The following PDE2A variants were observed in gnomAD, a reference collection of about 807,000 sequenced individuals.
PDE2A encodes cGMP-dependent 3',5'-cyclic phosphodiesterase.
A neutral mutation model predicts 133.6 loss-of-function variants in PDE2A; 53 were observed. That is an observed-to-expected ratio of 0.40 (90% confidence interval 0.32 to 0.50). The LOEUF is 0.50. Ranked by LOEUF, PDE2A falls within the 20% of genes least tolerant of loss-of-function variation. The probability of loss-of-function intolerance (pLI) is 0.73; values close to 1 mark genes in which losing one functional copy is unlikely to be tolerated. For missense variants in PDE2A, 796 were observed against 1,232.4 expected (o/e 0.65, Z 5.30); for synonymous variants, 491 against 490.2 (o/e 1.00, Z -0.02).
intron 3 of PDE2A, among the ~76,000 whole-genome samples, chr11:72,606,273 A>T (rs539486557): frequency 6.6e-6 from 1 of 151,952 alleles, no homozygotes; most frequent in African/African-American, 2.4e-5. Context: ...CCGCAGGAGG[A>T]TGGAGAAGGG....
chr11:72,659,965 G>A (rs1441849824), intron 1 of PDE2A, among the ~76,000 whole-genome samples: 1 of 152,154 alleles, frequency 6.6e-6, no homozygotes, highest in Non-Finnish European at 1.5e-5. Flanking sequence ...GAGAGGGTCA[G>A]CAGTTCCCTG....
At chr11:72,648,486 C>T (rs1859188967) in intron 1 of PDE2A, among the ~76,000 whole-genome samples, 1 of 152,150 alleles carries the variant, frequency 6.6e-6, no homozygotes, top group Non-Finnish European at 1.5e-5. Flanking sequence ...AGGAAGGGTA[C>T]AGGCTGAGTG....
At chr11:72,585,989 G>T in intron 14 of PDE2A, 81 bp downstream of exon 14, 1 of 825,236 alleles carries the variant, frequency 1.2e-6, no homozygotes, top group Non-Finnish European at 2.1e-6. Context: ...GAAAGACATG[G>T]GCATTTCCCT....
intron 14 of PDE2A, 96 bp downstream of exon 14, chr11:72,585,974 G>C: frequency 1.3e-6 from 1 of 775,320 alleles, no homozygotes; most frequent in Non-Finnish European, 2.2e-6. Context: ...GCTGCCACCA[G>C]TCCAGAAAGA....
At chr11:72,665,968 G>A (rs913083135) in intron 1 of PDE2A, among the ~76,000 whole-genome samples, 1 of 151,656 alleles carries the variant, frequency 6.6e-6, no homozygotes, top group Non-Finnish European at 1.5e-5. Flanking sequence ...GAGGCTTCCA[G>A]AGGAAGCCCC....
At chr11:72,668,403 C>G (rs1159861381) in intron 1 of PDE2A, 2 of 718,406 alleles carry the variant, frequency 2.8e-6, no homozygotes, top group Non-Finnish European at 2.6e-6. Flanking sequence ...GGTGTGGAAA[C>G]AGTGCTCAGG....
At chr11:72,663,751 A>G (rs561009123) in intron 1 of PDE2A, among the ~76,000 whole-genome samples, 14 of 152,098 alleles carry the variant, frequency 9.2e-5, no homozygotes, top group East Asian at 1.9e-4. Flanking sequence ...AAGAAAGAAA[A>G]AAAAGAAAAC....
At chr11:72,579,663 T>C (rs1048822035) in intron 25 of PDE2A, 55 bp from the exon 26 acceptor site, 3 of 1,273,354 alleles carry the variant, frequency 2.4e-6, no homozygotes, top group Admixed American at 1.7e-5. Flanking sequence ...TCCCTTACCA[T>C]TGACCCCAAG....
chr11:72,590,421 C>A lies in PDE2A; in HGVS notation c.703+6G>T, dbSNP rs368304427. On this transcript the variant is annotated splice_donor_region_variant and intron_variant, in intron 8 of 30. Transcript: ENST00000334456. This position sits in a 1 kb window ranked among gnomAD's most constrained non-coding sequence, Gnocchi z 4.8. The stretch of plus-strand genomic sequence containing the variant: ...CCCTCGTGACCTGTCCAGGCCGGGC[C>A]CTCACCGCACAGTTGGAGGATCTTG... The A allele has an allele frequency of 1.3e-6, 2 of 1,571,182 alleles. No homozygotes were observed. Among genetic ancestry groups the A allele is most frequent in the African/African-American group, 1.4e-5 (1 of 73,568 alleles).
At chr11:72,662,578 A>T (rs1167368506) in intron 1 of PDE2A, among the ~76,000 whole-genome samples, 1 of 152,166 alleles carries the variant, frequency 6.6e-6, no homozygotes, top group African/African-American at 2.4e-5. Flanking sequence ...TGAGTGCTCC[A>T]GAGAGTGAAA....
intron 1 of PDE2A, among the ~76,000 whole-genome samples, chr11:72,649,739 C>T: frequency 6.6e-6 from 1 of 152,204 alleles, no homozygotes; most frequent in African/African-American, 2.4e-5. Context: ...CCGGCTCCTT[C>T]CCATGTGGGA....
intron 1 of PDE2A, among the ~76,000 whole-genome samples, chr11:72,669,846 T>C (rs1256912995): frequency 6.6e-6 from 1 of 152,248 alleles, no homozygotes; most frequent in African/African-American, 2.4e-5. Context: ...TTTTGTTCAC[T>C]GAACACCCCT....
chr11:72,674,351 C>T lies in PDE2A; in HGVS notation c.-144G>A. The T allele has an allele frequency of 1.4e-6, 1 of 703,666 alleles. No homozygotes were observed. The highest frequency in any genetic ancestry group is 2.3e-6 in the Non-Finnish European group (1 of 427,612). The allele number at this position is 703,666 out of a possible 1,614,324, so 43.6% of individuals were successfully genotyped here. The stretch of plus-strand genomic sequence containing the variant: ...CCCCTACTCAGCCTGGACTCAACAC[C>T]CCAATCCAGCTCTGCTGCCCCGCTG... On this transcript the variant is annotated 5_prime_UTR_variant, in exon 1 of 31. Transcript: ENST00000334456.
Position 72,578,942 on chromosome 11 carries a change from G to A in PDE2A, c.2424C>T (p.Asp808=). ...TCCAGCCCTTGGTCTGGTCAGAGAGGTCACAGGAGGTCATGAGGAGGCAGA... is the reference window on the plus strand; with the variant it reads ...TCCAGCCCTTGGTCTGGTCAGAGAGATCACAGGAGGTCATGAGGAGGCAGA... ...LLLCLLMTSC[D]LSDQTKGWKT... is the part of the protein sequence containing the mutation. Residue 808 remains aspartate, a synonymous_variant, in exon 28 of 31, where the codon GAC becomes GAT. Transcript: ENST00000334456. The surrounding 1 kb of genome is among the most constrained non-coding windows in gnomAD (Gnocchi z 4.2). The A allele has an allele frequency of 6.2e-7, 1 of 1,613,934 alleles. No homozygotes were observed. The highest frequency in any genetic ancestry group is 8.5e-7 in the Non-Finnish European group (1 of 1,179,768).
chr11:72,626,688 A>G (rs943580060), intron 2 of PDE2A, among the ~76,000 whole-genome samples: 2 of 151,728 alleles, frequency 1.3e-5, no homozygotes, highest in African/African-American at 2.4e-5. Context: ...GCCCTACTCC[A>G]CCTGCAGCGG....
chr11:72,579,612 G>A lies in PDE2A; in HGVS notation c.2182-4C>T, dbSNP rs192509310. ...TGGCCTGAGCAAAGTGGTGCCTCTG[G>A]GGGGAGAGGAGTGATGGGGGCCCAG... On this transcript the variant is annotated splice_polypyrimidine_tract_variant and splice_region_variant and intron_variant, in intron 25 of 30. Transcript: ENST00000334456. The A allele has an allele frequency of 1.0e-4, 162 of 1,610,048 alleles. No homozygotes were observed. In the East Asian group the frequency reaches 2.9e-3, roughly 29 times the overall value.
chr11:72,578,933 G>A lies in PDE2A; in HGVS notation c.2433C>T (p.Asp811=), dbSNP rs1425422365. 6.2e-7 allele frequency: 1 copy of A among 1,613,672 alleles called. No individual in the cohort carries two copies. The highest frequency in any genetic ancestry group is 8.5e-7 in the Non-Finnish European group (1 of 1,179,530). ...CLLMTSCDLS[D]QTKGWKTTRK... ...TCGTAGTCTTCCAGCCCTTGGTCTG[G>A]TCAGAGAGGTCACAGGAGGTCATGA... Residue 811 remains aspartate (D), a synonymous_variant, in exon 28 of 31, where the codon GAC becomes GAT. Transcript: ENST00000334456. This position sits in a 1 kb window ranked among gnomAD's most constrained non-coding sequence, Gnocchi z 4.2.
intron 1 of PDE2A, among the ~76,000 whole-genome samples, chr11:72,655,076 T>C (rs994111786): frequency 3.3e-5 from 5 of 152,080 alleles, no homozygotes; most frequent in Admixed American, 2.0e-4. Flanking sequence ...GGCAGGTGAA[T>C]GGCAGGAGGA....
intron 1 of PDE2A, among the ~76,000 whole-genome samples, chr11:72,672,951 C>T (rs1188183111): frequency 6.6e-6 from 1 of 151,972 alleles, no homozygotes; most frequent in Non-Finnish European, 1.5e-5. Flanking sequence ...GAAACAGCCA[C>T]CCACACACAC....
Sources: allele counts gnomAD v4.1 joint callset (sites outside exome capture counted in the v4.1 genomes callset), GRCh38; gene constraint gnomAD v4.1.1; non-coding constraint Gnocchi (gnomAD v3.1); transcripts MANE v1.5; gene names NCBI Gene and HGNC (gene_info 2026-07-23, HGNC 2026-07-21).